The following BPIFC variants were observed in gnomAD, a reference collection of about 807,000 sequenced individuals.
BPIFC encodes the protein BPI fold-containing family C protein.
A neutral mutation model predicts 57.6 loss-of-function variants in BPIFC; 60 were observed. That is an observed-to-expected ratio of 1.04 (90% confidence interval 0.85 to 1.29). The LOEUF is 1.29. BPIFC is among the 50% of genes most tolerant of loss of function. The pLI, the probability that BPIFC is intolerant of heterozygous loss-of-function variation, is 0.00. For synonymous variants in BPIFC, 243 were observed against 224.5 expected (o/e 1.08, Z -0.74); for missense variants, 581 against 600.5 (o/e 0.97, Z 0.34).
intron 3 of BPIFC, among the ~76,000 whole-genome samples, chr22:32,455,341 G>A (rs1031481006): frequency 3.9e-5 from 6 of 151,978 alleles, no homozygotes; most frequent in South Asian, 2.1e-4. Flanking sequence ...GAGCCACCAC[G>A]CCTGGCCTTC....
At chr22:32,435,609 A>G (rs1350774530) in intron 10 of BPIFC, 95 bp downstream of exon 10, 3 of 1,340,262 alleles carry the variant, frequency 2.2e-6, no homozygotes, top group East Asian at 4.7e-5. Context: ...AAAAGGTCCC[A>G]GAATCGAAAT....
At chr22:32,442,844 C>CTT in intron 7 of BPIFC, 113 bp from the exon 8 acceptor site, 1 of 970,308 alleles carries the variant, frequency 1.0e-6, no homozygotes, top group East Asian at 2.6e-5. Flanking sequence ...GTCATTATCC[C>CTT]TTTGGTCATC....
rs1187933413 is a variant in BPIFC at position 32,433,622 on chromosome 22, AC to A, written c.978+96del. On this transcript the variant is annotated intron_variant, in intron 11 of 16. Transcript: ENST00000300399. ...AAAACTCCCAATAATAGACAGAGGGACTTATCCAAAAAGGAATACGTAGAAC... is the reference window on the plus strand; with the variant it reads ...AAAACTCCCAATAATAGACAGAGGGATTATCCAAAAAGGAATACGTAGAAC... The A allele has an allele frequency of 5.8e-6, 6 of 1,039,508 alleles. No individual in the cohort carries two copies. The African/African-American group carries it at 9.5e-5, about 16-fold the overall frequency. 64.4% of individuals were successfully genotyped at this position (1,039,508 alleles called of 1,614,324 possible).
intron 9 of BPIFC, among the ~76,000 whole-genome samples, chr22:32,437,545 C>A (rs1934442813): frequency 6.6e-6 from 1 of 152,104 alleles, no homozygotes; most frequent in African/African-American, 2.4e-5. Flanking sequence ...TGTGTGCCAC[C>A]ACACTGGCTA....
chr22:32,415,336 T>C lies in BPIFC; in HGVS notation c.1401+579A>G, dbSNP rs560272291. Among the ~76,000 whole-genome samples the C allele has an allele frequency of 2.6e-5, 4 of 152,254 alleles. No individual in the cohort carries two copies. The South Asian group carries it at 8.3e-4, about 32-fold the overall frequency. ...TTGGGGACCCCTGGACTGTACAGGATTGGAGAATTTCTTTAGAAACATATT... is the reference window on the plus strand; with the variant it reads ...TTGGGGACCCCTGGACTGTACAGGACTGGAGAATTTCTTTAGAAACATATT... On this transcript the variant is annotated intron_variant, in intron 16 of 16. Transcript: ENST00000300399.
intron 16 of BPIFC, among the ~76,000 whole-genome samples, chr22:32,414,873 C>T (rs1221543689): frequency 1.3e-5 from 2 of 152,112 alleles, no homozygotes; most frequent in Non-Finnish European, 2.9e-5. Context: ...GTGAATGCCC[C>T]AGAGAAAGGA....
chr22:32,414,675 G>A (rs372605583), intron 16 of BPIFC, among the ~76,000 whole-genome samples: 2 of 151,902 alleles, frequency 1.3e-5, no homozygotes, highest in Admixed American at 6.6e-5. Flanking sequence ...CACCACACCC[G>A]GCTAATTTTT....
chr22:32,463,982 G>A (rs1209684968), intron 1 of BPIFC, among the ~76,000 whole-genome samples: 1 of 152,152 alleles, frequency 6.6e-6, no homozygotes, highest in Admixed American at 6.5e-5. Context: ...CAACTCCTTA[G>A]TCCTAACCAT....
At chr22:32,424,627 C>T (rs1569447881) in intron 13 of BPIFC, among the ~76,000 whole-genome samples, 18 of 49,440 alleles carry the variant, frequency 3.6e-4, no homozygotes, top group East Asian at 2.3e-3. Context: ...TCCTCCTCCT[C>T]CTCTTCTTCT....
chr22:32,417,919 G>A (rs981908854), intron 14 of BPIFC, among the ~76,000 whole-genome samples: 2 of 151,942 alleles, frequency 1.3e-5, no homozygotes, highest in African/African-American at 4.8e-5. Flanking sequence ...GCCCAGGCTG[G>A]AGTGCAGTGG....
At chr22:32,455,919 T>C (rs1054813873) in intron 3 of BPIFC, among the ~76,000 whole-genome samples, 1 of 152,226 alleles carries the variant, frequency 6.6e-6, no homozygotes, top group African/African-American at 2.4e-5. Flanking sequence ...ATATTTCCTG[T>C]GGGTGGGATT....
At chr22:32,454,753 G>T (rs1934992055) in intron 3 of BPIFC, among the ~76,000 whole-genome samples, 1 of 152,134 alleles carries the variant, frequency 6.6e-6, no homozygotes, top group Non-Finnish European at 1.5e-5. Flanking sequence ...AGATATAAAG[G>T]ATGTGAAGAT....
chr22:32,441,427 T>C (rs982719866), intron 8 of BPIFC, among the ~76,000 whole-genome samples: 2 of 152,240 alleles, frequency 1.3e-5, no homozygotes, highest in Non-Finnish European at 2.9e-5. Context: ...GTATGTCTGT[T>C]GCCTGGGAAT....
At chr22:32,463,087 C>T (rs1935198552) in intron 1 of BPIFC, among the ~76,000 whole-genome samples, 1 of 152,090 alleles carries the variant, frequency 6.6e-6, no homozygotes, top group Admixed American at 6.6e-5. Context: ...TCCAGGAATC[C>T]AAAATTACAG....
intron 4 of BPIFC, among the ~76,000 whole-genome samples, chr22:32,452,595 G>A (rs183171278): frequency 9.3e-5 from 14 of 150,852 alleles, no homozygotes; most frequent in South Asian, 2.1e-4. Flanking sequence ...CCGAGATCGC[G>A]CCACTGCACT....
chr22:32,463,788 A>G (rs1935208840), intron 1 of BPIFC, among the ~76,000 whole-genome samples: 1 of 152,196 alleles, frequency 6.6e-6, no homozygotes, highest in Admixed American at 6.5e-5. Flanking sequence ...CCTCACATCT[A>G]GTTTTATAGC....
chr22:32,432,146 A>G (rs1934261919), intron 12 of BPIFC, among the ~76,000 whole-genome samples: 1 of 151,406 alleles, frequency 6.6e-6, no homozygotes, highest in African/African-American at 2.4e-5. Context: ...AGGTCTTGCT[A>G]TGTTACCCAG....
chr22:32,434,166 A>G (rs934564059), intron 10 of BPIFC, among the ~76,000 whole-genome samples: 1 of 149,436 alleles, frequency 6.7e-6, no homozygotes, highest in South Asian at 2.1e-4. Context: ...TTATATATAT[A>G]TTACAATCTA....
At chr22:32,435,112 C>G (rs1398032778) in intron 10 of BPIFC, among the ~76,000 whole-genome samples, 1 of 152,118 alleles carries the variant, frequency 6.6e-6, no homozygotes, top group Non-Finnish European at 1.5e-5. Flanking sequence ...GAGTAAGGAA[C>G]TATTATTATC....
Sources: allele counts gnomAD v4.1 joint callset (sites outside exome capture counted in the v4.1 genomes callset), GRCh38; gene constraint gnomAD v4.1.1; transcripts MANE v1.5; gene names NCBI Gene and HGNC (gene_info 2026-07-23, HGNC 2026-07-21).